The following TCF4 variants were observed in gnomAD, a reference collection of about 807,000 sequenced individuals.
The protein encoded by TCF4 is SL3-3 enhancer factor 2.
In TCF4, 3 loss-of-function variants were observed where a neutral mutation model predicts 82.1. The observed-to-expected ratio is 0.04, with a 90% CI of 0.02 to 0.09. TCF4 has a LOEUF of 0.09. Among genes scored for constraint, TCF4 ranks in the 10% least tolerant of loss-of-function variants. TCF4 has a pLI of 1.00. For synonymous variants in TCF4, 276 were observed against 309.6 expected (o/e 0.89, Z 1.14); for missense variants, 518 against 852.7 (o/e 0.61, Z 4.89).
intron 6 of TCF4, among the ~76,000 whole-genome samples, chr18:55,360,670 T>C (rs2084873332): frequency 6.6e-6 from 1 of 151,530 alleles, no homozygotes; most frequent in South Asian, 2.1e-4. Flanking sequence ...TAAAATTTTA[T>C]TTATAAAAAG....
chr18:55,380,456 C>G (rs538616300), intron 6 of TCF4, among the ~76,000 whole-genome samples: 4 of 151,990 alleles, frequency 2.6e-5, no homozygotes, highest in Non-Finnish European at 5.9e-5. Flanking sequence ...GTGTCTTCCT[C>G]TTCTTATAAG....
At chr18:55,411,640 CAGG>C (rs2094349956) in intron 5 of TCF4, among the ~76,000 whole-genome samples, 1 of 152,184 alleles carries the variant, frequency 6.6e-6, no homozygotes, top group Admixed American at 6.5e-5. Flanking sequence ...CCTTGCTGAT[CAGG>C]AGAATTATCA....
rs182304691 is a variant in TCF4, at chr18:55,326,234, C to G, written c.549+24125G>C. Among the ~76,000 whole-genome samples the G allele has an allele frequency of 1.2e-4, 18 of 152,088 alleles. No individual in the cohort carries two copies. In the East Asian group the frequency reaches 3.5e-3, roughly 29 times the overall value. On this transcript the variant is annotated intron_variant, in intron 8 of 19. Transcript: ENST00000354452. ...GTGTGACTCTGGCCAAGCTGTATCACAGGTTTGAGTGTTAGTTCCTTCATC... is the reference window on the plus strand; with the variant it reads ...GTGTGACTCTGGCCAAGCTGTATCAGAGGTTTGAGTGTTAGTTCCTTCATC...
intron 6 of TCF4, among the ~76,000 whole-genome samples, chr18:55,365,977 GAT>G (rs1402840635): frequency 3.2e-5 from 1 of 31,650 alleles, no homozygotes; most frequent in Non-Finnish European, 5.2e-5. Context: ...TATAGATATA[GAT>G]ATAGATATAG....
chr18:55,336,211 A>G (rs889805102), intron 8 of TCF4, among the ~76,000 whole-genome samples: 14 of 152,114 alleles, frequency 9.2e-5, no homozygotes, highest in African/African-American at 3.1e-4. Flanking sequence ...CATTAAATGC[A>G]TTTCAATATT....
intron 6 of TCF4, among the ~76,000 whole-genome samples, chr18:55,365,156 A>AATATATATATATATATATATATATATAT (rs139574594): frequency 6.0e-5 from 5 of 83,538 alleles, no homozygotes; most frequent in East Asian, 3.3e-4. Context: ...CCATCTCCAA[A>AATATATATATATATATATATATATATAT]ATATATATAT....
At chr18:55,458,013 TTTC>T (rs1476199472) in intron 5 of TCF4, among the ~76,000 whole-genome samples, 1 of 152,220 alleles carries the variant, frequency 6.6e-6, no homozygotes, top group Non-Finnish European at 1.5e-5. Context: ...CCAGTACTTT[TTTC>T]TTTCTTTGCA....
rs1443639610 is a variant in TCF4, at chr18:55,420,806, C to T, written c.305-17288G>A. ...TCATTAGATGTGGTTTTGACAATAA[C>T]AGCAAAGTGCCTAAAGCCACAGATT... On this transcript the variant is annotated intron_variant, in intron 5 of 19. Coordinates refer to ENST00000354452, the MANE Select transcript of TCF4 (RefSeq NM_001083962.2). Among the ~76,000 whole-genome samples, 4 of 149,352 alleles carry T rather than the reference C, an allele frequency of 2.7e-5. No individual in the cohort carries two copies. In the Admixed American group the frequency reaches 2.7e-4, roughly 10 times the overall value.
intron 5 of TCF4, among the ~76,000 whole-genome samples, chr18:55,410,099 G>GA (rs577687519): frequency 6.6e-6 from 1 of 152,144 alleles, no homozygotes; most frequent in African/African-American, 2.4e-5. Flanking sequence ...ACAAATGGGG[G>GA]AAAAGGTAAC....
At chr18:55,553,346 A>C (rs753651731) in intron 3 of TCF4, 16 of 152,206 alleles carry the variant, frequency 1.1e-4, no homozygotes, top group Non-Finnish European at 2.2e-4. Flanking sequence ...GGAACATGGA[A>C]TAAATGATGA....
intron 9 of TCF4, 56 bp from the exon 10 acceptor site, chr18:55,275,808 A>C: frequency 6.2e-7 from 1 of 1,611,546 alleles, no homozygotes; most frequent in South Asian, 1.1e-5. Context: ...TGCCTTATAG[A>C]ATAGGGTTTT....
At position 55,228,844 on chromosome 18, in the gene TCF4, G is replaced by C. The variant is rs1402959603; in HGVS notation, c.1879+3C>G. Reference sequence around the variant, plus strand: ...CTCTGCAAGGAGGCTGGCCTGCACTGACCTCGGACTTGCTGCTCCAGACTG... The same window carrying C: ...CTCTGCAAGGAGGCTGGCCTGCACTCACCTCGGACTTGCTGCTCCAGACTG... On this transcript the variant is annotated splice_donor_region_variant and intron_variant, in intron 18 of 19. Transcript: ENST00000354452. The C allele has an allele frequency of 6.2e-7, 1 of 1,613,840 alleles. No individual in the cohort carries two copies. The highest frequency in any genetic ancestry group is 8.5e-7 in the Non-Finnish European group (1 of 1,180,020).
chr18:55,616,778 C>A (rs1307722498), intron 2 of TCF4, among the ~76,000 whole-genome samples: 4 of 152,016 alleles, frequency 2.6e-5, no homozygotes, highest in Non-Finnish European at 5.9e-5. Context: ...GTCTTTTGCC[C>A]ATTAAAAGTA....
At chr18:55,242,555 A>G (rs1476152802) in intron 15 of TCF4, among the ~76,000 whole-genome samples, 1 of 152,160 alleles carries the variant, frequency 6.6e-6, no homozygotes, top group Non-Finnish European at 1.5e-5. Flanking sequence ...TATGCAAGGC[A>G]CTACATGGGC....
intron 15 of TCF4, among the ~76,000 whole-genome samples, chr18:55,251,681 G>A (rs2055147945): frequency 6.6e-6 from 1 of 152,252 alleles, no homozygotes; most frequent in East Asian, 1.9e-4. Flanking sequence ...TACAAAACCG[G>A]GACTGGGATG....
intron 3 of TCF4, chr18:55,553,376 C>A (rs1020109751): frequency 1.3e-5 from 2 of 152,156 alleles, no homozygotes; most frequent in Non-Finnish European, 2.9e-5. Flanking sequence ...CGCAAATATA[C>A]CCCTCAATAC....
At chr18:55,443,117 T>C (rs2095469412) in intron 5 of TCF4, among the ~76,000 whole-genome samples, 1 of 152,216 alleles carries the variant, frequency 6.6e-6, no homozygotes, top group South Asian at 2.1e-4. Flanking sequence ...CTAACCTTGG[T>C]TCGGGTCAAC....
chr18:55,237,068 G>A (rs2049685485), intron 15 of TCF4, among the ~76,000 whole-genome samples: 1 of 152,140 alleles, frequency 6.6e-6, no homozygotes, highest in Admixed American at 6.5e-5. Context: ...GTTCTCAAAA[G>A]AGAAAAAGAG....
chr18:55,439,581 A>G lies in TCF4; in HGVS notation c.304+21438T>C, dbSNP rs913490545. 2.0e-5 allele frequency among the ~76,000 whole-genome samples: 3 copies of G among 152,200 alleles called. 1 individual carries two copies. The highest frequency in any genetic ancestry group is 2.4e-5 in the African/African-American group (1 of 41,458). On this transcript the variant is annotated intron_variant, in intron 5 of 19. Transcript: ENST00000354452. ...CATCCATCCAGTAAATACTGGCCCA[A>G]TCAAGGACTCAGTGATCACCTAGGA...
Sources: allele counts gnomAD v4.1 joint callset (sites outside exome capture counted in the v4.1 genomes callset), GRCh38; gene constraint gnomAD v4.1.1; transcripts MANE v1.5; gene names NCBI Gene and HGNC (gene_info 2026-07-23, HGNC 2026-07-21).